The following RPTOR variants were observed in gnomAD, a reference collection of about 807,000 sequenced individuals.
The protein encoded by RPTOR is regulatory-associated protein of mTOR.
In RPTOR, 21 loss-of-function variants were observed where a neutral mutation model predicts 169.9. The observed-to-expected ratio is 0.12, with a 90% CI of 0.09 to 0.18. The LOEUF is 0.18. RPTOR is among the 10% of genes least tolerant of loss of function. The pLI, the probability that RPTOR is intolerant of heterozygous loss-of-function variation, is 1.00. For missense variants in RPTOR, 1,133 were observed against 1,855.9 expected (o/e 0.61, Z 7.16); for synonymous variants, 732 against 753.2 (o/e 0.97, Z 0.46).
rs948507420 is a variant in RPTOR at position 80,820,075 on chromosome 17, G to C, written c.891-2126G>C. ...GAGAGGAGAGAACCCGTGACAGGAT[G>C]CTGAAGATCAGCAACTCCCGTGTCC... On this transcript the variant is annotated intron_variant, in intron 7 of 33. Coordinates refer to ENST00000306801, the MANE Select transcript of RPTOR (RefSeq NM_020761.3). This position sits in a 1 kb window ranked among gnomAD's most constrained non-coding sequence, Gnocchi z 4.1. Among the ~76,000 whole-genome samples the C allele has an allele frequency of 5.3e-5, 8 of 152,140 alleles. No individual in the cohort carries two copies. The highest frequency in any genetic ancestry group is 4.6e-4 in the Admixed American group (7 of 15,282).
chr17:80,834,309 A>G (rs1451577584), intron 9 of RPTOR, among the ~76,000 whole-genome samples: 1 of 152,038 alleles, frequency 6.6e-6, no homozygotes, highest in Non-Finnish European at 1.5e-5. Flanking sequence ...CTTTCTTCTC[A>G]TTAGTACTTG....
rs1567954179 is a variant in RPTOR at position 80,861,055 on chromosome 17, C to T, written c.1509+3155C>T. ...GTGACCTGAATACCATATATTTCAG[C>T]AAAATATTTTCCCTGCTACCCATTA... On this transcript the variant is annotated intron_variant, in intron 13 of 33. Transcript: ENST00000306801. The surrounding 1 kb of genome is among the most constrained non-coding windows in gnomAD (Gnocchi z 4.5). 6.9e-6 allele frequency among the ~76,000 whole-genome samples: 1 copy of T among 144,738 alleles called. No individual in the cohort carries two copies. Among genetic ancestry groups the T allele is most frequent in the Non-Finnish European group, 1.6e-5 (1 of 63,998 alleles). The allele number at this position is 144,738 out of a possible 152,430, so 95.0% of individuals were successfully genotyped here.
At chr17:80,596,351 G>T (rs77914150) in intron 1 of RPTOR, among the ~76,000 whole-genome samples, 2,809 of 152,236 alleles carry the variant, frequency 0.018, 87 homozygotes, top group African/African-American at 0.064. Flanking sequence ...GTAACACTGT[G>T]TGGTTAAATT....
At chr17:80,809,269 G>A (rs1225169259) in intron 7 of RPTOR, among the ~76,000 whole-genome samples, 2 of 152,168 alleles carry the variant, frequency 1.3e-5, no homozygotes, top group Non-Finnish European at 1.5e-5. Context: ...TCAGCTCACT[G>A]CAACCTCCGC....
At chr17:80,915,024 A>C (rs1464273202) in intron 21 of RPTOR, among the ~76,000 whole-genome samples, 1 of 152,258 alleles carries the variant, frequency 6.6e-6, no homozygotes, top group Non-Finnish European at 1.5e-5. Flanking sequence ...ACTCAGCCAG[A>C]CTCAAGGAAA....
intron 6 of RPTOR, among the ~76,000 whole-genome samples, chr17:80,775,651 G>T (rs1017970676): frequency 1.3e-5 from 2 of 152,188 alleles, no homozygotes; most frequent in African/African-American, 4.8e-5. Flanking sequence ...CAGCCCCCAC[G>T]TTTGGCTGTC....
intron 13 of RPTOR, 43 bp downstream of exon 13, chr17:80,857,943 C>T (rs777190073): frequency 1.5e-5 from 23 of 1,495,468 alleles, no homozygotes; most frequent in Non-Finnish European, 2.0e-5. Context: ...GTGAACCTGC[C>T]GGCCCTTCTG....
rs28589514 is a variant in RPTOR at position 80,571,781 on chromosome 17, A to G, written c.162+25990A>G. 1.4e-3 allele frequency among the ~76,000 whole-genome samples: 211 copies of G among 152,264 alleles called. 2 individuals are homozygous for G. The highest frequency in any genetic ancestry group is 4.6e-3 in the African/African-American group (192 of 41,558). ...AGCAATCTGCCTGCCTTGGCCTCCC[A>G]AAGTGCTGGGATTATAGGCATGAGC... On this transcript the variant is annotated intron_variant, in intron 1 of 33. Coordinates refer to ENST00000306801, the MANE Select transcript of RPTOR (RefSeq NM_020761.3).
At chr17:80,577,626 A>T (rs1764663304) in intron 1 of RPTOR, among the ~76,000 whole-genome samples, 1 of 152,172 alleles carries the variant, frequency 6.6e-6, no homozygotes, top group African/African-American at 2.4e-5. Flanking sequence ...GAAGAATTGG[A>T]TAAGTGTACA....
At chr17:80,862,706 G>A (rs1356343006) in intron 13 of RPTOR, among the ~76,000 whole-genome samples, 1 of 152,104 alleles carries the variant, frequency 6.6e-6, no homozygotes, top group African/African-American at 2.4e-5. Context: ...TGTTGCTGGT[G>A]GTCCTCCGGG....
At chr17:80,757,496 C>G (rs1366108791) in intron 6 of RPTOR, among the ~76,000 whole-genome samples, 1 of 152,154 alleles carries the variant, frequency 6.6e-6, no homozygotes, top group Non-Finnish European at 1.5e-5. Context: ...GCTTGTTTCT[C>G]CTTTCGCATT....
intron 3 of RPTOR, among the ~76,000 whole-genome samples, chr17:80,698,189 G>T (rs1567863196): frequency 6.6e-6 from 1 of 152,188 alleles, no homozygotes. Flanking sequence ...CCACAGAGGA[G>T]GATGGGCCAG....
At chr17:80,871,566 C>G (rs12150256) in intron 13 of RPTOR, among the ~76,000 whole-genome samples, 35,351 of 152,126 alleles carry the variant, frequency 0.23, 4,362 homozygotes, top group African/African-American at 0.29. Context: ...GCTGCCGCCC[C>G]TTCCGGAATG....
At chr17:80,819,853 C>T (rs7217174) in intron 7 of RPTOR, among the ~76,000 whole-genome samples, 24,094 of 152,110 alleles carry the variant, frequency 0.16, 2,000 homozygotes, top group Middle Eastern at 0.22. Flanking sequence ...ACACAGACTC[C>T]GGGCACTTCC....
At chr17:80,951,163 C>A (rs1415124082) in intron 28 of RPTOR, among the ~76,000 whole-genome samples, 1 of 151,792 alleles carries the variant, frequency 6.6e-6, no homozygotes, top group East Asian at 1.9e-4. Flanking sequence ...GTCCCTGAGA[C>A]CCCCCAGAAG....
At chr17:80,656,893 C>T (rs919773854) in intron 3 of RPTOR, among the ~76,000 whole-genome samples, 1 of 152,180 alleles carries the variant, frequency 6.6e-6, no homozygotes, top group Non-Finnish European at 1.5e-5. Flanking sequence ...GGCAGGGAGC[C>T]GCGGGGACAC....
chr17:80,713,568 G>T (rs960465843), intron 4 of RPTOR, among the ~76,000 whole-genome samples: 2 of 152,132 alleles, frequency 1.3e-5, no homozygotes, highest in Admixed American at 1.3e-4. Flanking sequence ...GTCCATAGTA[G>T]ATGTATTTTA....
intron 2 of RPTOR, among the ~76,000 whole-genome samples, chr17:80,626,308 C>T (rs963136609): frequency 6.6e-6 from 1 of 151,028 alleles, no homozygotes; most frequent in Non-Finnish European, 1.5e-5. Context: ...ACCTCAGCCT[C>T]CCAAAGTACT....
At chr17:80,910,828 G>C (rs2068603311) in intron 21 of RPTOR, among the ~76,000 whole-genome samples, 1 of 144,518 alleles carries the variant, frequency 6.9e-6, no homozygotes, top group African/African-American at 2.6e-5. Flanking sequence ...TCTGCAGTTG[G>C]TTCTTCTTCA....
Sources: gnomAD v4.1 joint callset for allele counts (sites outside exome capture counted in the v4.1 genomes callset) on GRCh38, gnomAD v4.1.1 for gene constraint, Gnocchi (gnomAD v3.1) non-coding constraint, MANE v1.5 for transcripts, NCBI Gene and HGNC (gene_info 2026-07-23, HGNC 2026-07-21) for gene names.